NXPE2: variants seen among roughly 807,000 people sequenced by gnomAD.
NXPE2 encodes the protein neurexophilin and PC-esterase domain family member 2.
NXPE2 carries 34 observed loss-of-function variants against 34.4 expected under a neutral mutation model. The observed-to-expected ratio is 0.99, with a 90% CI of 0.75 to 1.31. The LOEUF (loss-of-function observed/expected upper bound fraction) is 1.31, where lower values mean the gene tolerates loss of function less well. Among genes scored for constraint, NXPE2 ranks in the 40% most tolerant of loss-of-function variants. The probability of loss-of-function intolerance (pLI) is 0.00; values close to 1 mark genes in which losing one functional copy is unlikely to be tolerated. For missense variants in NXPE2, 649 were observed against 672.5 expected (o/e 0.97, Z 0.39); for synonymous variants, 235 against 231.3 (o/e 1.02, Z -0.15).
chr11:114,582,638 G>T, the NXPE2 span: 12 of 1,614,020 alleles, frequency 7.4e-6, no homozygotes, highest in Non-Finnish European at 1.0e-5. Flanking sequence ...GGTAGGTGCC[G>T]TTGTTGAAGT....
At chr11:114,795,492 TACCCAGTTTCCAA>T in the NXPE2 span, among the ~76,000 whole-genome samples, 1 of 152,218 alleles carries the variant, frequency 6.6e-6, no homozygotes, top group Non-Finnish European at 1.5e-5. Flanking sequence ...GAATGCATGA[TACCCAGTTTCCAA>T]CTTTGGATTA....
At chr11:114,702,987 T>C (rs1438534545) in intron 3 of NXPE2, among the ~76,000 whole-genome samples, 1 of 152,198 alleles carries the variant, frequency 6.6e-6, no homozygotes, top group Non-Finnish European at 1.5e-5. Context: ...TTCATTCCGA[T>C]AGAGTGAATT....
chr11:114,646,341 T>C, the NXPE2 span, among the ~76,000 whole-genome samples: 1 of 151,700 alleles, frequency 6.6e-6, no homozygotes, highest in South Asian at 2.1e-4. Context: ...AATAACTTAA[T>C]CAAGTTCTTT....
chr11:114,664,526 C>A, the NXPE2 span, among the ~76,000 whole-genome samples: 1 of 152,176 alleles, frequency 6.6e-6, no homozygotes, highest in Admixed American at 6.5e-5. Context: ...GACAGAGTGT[C>A]ATTTCCCACA....
chr11:114,517,900 C>T, the NXPE2 span: 2 of 152,272 alleles, frequency 1.3e-5, no homozygotes, highest in Non-Finnish European at 2.9e-5. Context: ...TCTGCTAGTC[C>T]TCCTCTTTGT....
chr11:114,767,495 A>G, the NXPE2 span, among the ~76,000 whole-genome samples: 1 of 152,200 alleles, frequency 6.6e-6, no homozygotes, highest in South Asian at 2.1e-4. Context: ...TTCGCCAAAT[A>G]ATTTATTGCA....
the NXPE2 span, chr11:114,528,789 G>A: frequency 4.4e-6 from 3 of 676,126 alleles, no homozygotes; most frequent in African/African-American, 3.5e-5. Context: ...ACAGATATAA[G>A]TGGTACCTGA....
chr11:114,696,866 C>T (rs535444736), intron 2 of NXPE2, among the ~76,000 whole-genome samples: 11 of 152,210 alleles, frequency 7.2e-5, no homozygotes, highest in Admixed American at 2.0e-4. Flanking sequence ...TGCCTGAAAC[C>T]GCAGATAGTA....
At chr11:114,514,861 T>A in the NXPE2 span, among the ~76,000 whole-genome samples, 1 of 152,178 alleles carries the variant, frequency 6.6e-6, no homozygotes, top group Admixed American at 6.5e-5. Flanking sequence ...CTTATTTATC[T>A]TTGTGTTCAC....
At chr11:114,619,750 T>C in the NXPE2 span, among the ~76,000 whole-genome samples, 1 of 152,124 alleles carries the variant, frequency 6.6e-6, no homozygotes, top group Non-Finnish European at 1.5e-5. Context: ...AAGTATTGCC[T>C]CTTGGGTAAC....
At chr11:114,659,146 G>A in the NXPE2 span, among the ~76,000 whole-genome samples, 1 of 152,186 alleles carries the variant, frequency 6.6e-6, no homozygotes, top group African/African-American at 2.4e-5. Flanking sequence ...GAGAAGATGT[G>A]TACCCATTTC....
At chr11:114,786,358 C>CT in the NXPE2 span, among the ~76,000 whole-genome samples, 3 of 122,118 alleles carry the variant, frequency 2.5e-5, no homozygotes, top group Admixed American at 1.7e-4. Flanking sequence ...TCTTTCTACC[C>CT]CCGCCCCCCG....
At chr11:114,577,015 A>ATATATATACATATATATATATAAAGT in the NXPE2 span, among the ~76,000 whole-genome samples, 5 of 71,988 alleles carry the variant, frequency 6.9e-5, no homozygotes, top group Non-Finnish European at 1.0e-4. Context: ...AAAGTTATAT[A>ATATATATACATATATATATATAAAGT]TATATATATA....
the NXPE2 span, among the ~76,000 whole-genome samples, chr11:114,620,385 G>T: frequency 6.6e-6 from 1 of 152,076 alleles, no homozygotes; most frequent in South Asian, 2.1e-4. Flanking sequence ...TGCCTCGTGG[G>T]TAACCACTGT....
At chr11:114,754,945 G>A in the NXPE2 span, among the ~76,000 whole-genome samples, 1 of 152,148 alleles carries the variant, frequency 6.6e-6, no homozygotes, top group African/African-American at 2.4e-5. Context: ...TAAACAACCA[G>A]CATGGCTACA....
chr11:114,495,944 C>G, the NXPE2 span, among the ~76,000 whole-genome samples: 2 of 152,072 alleles, frequency 1.3e-5, no homozygotes, highest in Admixed American at 6.6e-5. Flanking sequence ...AAATAAGTCT[C>G]TCCTGGAGCT....
the NXPE2 span, among the ~76,000 whole-genome samples, chr11:114,763,577 C>T: frequency 6.6e-6 from 1 of 152,200 alleles, no homozygotes; most frequent in African/African-American, 2.4e-5. Flanking sequence ...TCACATCTGG[C>T]TCTGAGATTC....
chr11:114,749,848 C>T, the NXPE2 span, among the ~76,000 whole-genome samples: 5 of 152,128 alleles, frequency 3.3e-5, no homozygotes, highest in Admixed American at 2.6e-4. Context: ...GTCTTCTTCA[C>T]CCTGCTCAAG....
At chr11:114,735,671 T>TA in the NXPE2 span, among the ~76,000 whole-genome samples, 1 of 152,210 alleles carries the variant, frequency 6.6e-6, no homozygotes, top group Non-Finnish European at 1.5e-5. Context: ...CAACATCATG[T>TA]AAAAAACTTC....
Sources: gnomAD v4.1 joint callset for allele counts (sites outside exome capture counted in the v4.1 genomes callset) on GRCh38, gnomAD v4.1.1 for gene constraint, MANE v1.5 for transcripts, NCBI Gene and HGNC (gene_info 2026-07-23, HGNC 2026-07-21) for gene names.